NATD1: variants seen among roughly 807,000 people sequenced by gnomAD.
NATD1 encodes protein NATD1.
NATD1 carries 9 observed loss-of-function variants against 12.0 expected under a neutral mutation model. The observed-to-expected ratio is 0.75, with a 90% confidence interval of 0.45 to 1.30. The LOEUF (loss-of-function observed/expected upper bound fraction) is 1.30, where lower values mean the gene tolerates loss of function less well. Among genes scored for constraint, NATD1 ranks in the 50% most tolerant of loss-of-function variants. The pLI, the probability that NATD1 is intolerant of heterozygous loss-of-function variation, is 0.00. For missense variants in NATD1, 148 were observed against 148.5 expected (o/e 1.00, Z 0.02); for synonymous variants, 71 against 65.9 (o/e 1.08, Z -0.37).
chr17:21,251,399 A>T (rs1253997625), intron 1 of NATD1, among the ~76,000 whole-genome samples: 1 of 151,998 alleles, frequency 6.6e-6, no homozygotes, highest in African/African-American at 2.4e-5. Flanking sequence ...GAACCTCAGA[A>T]GAGAGGATTT....
intron 1 of NATD1, among the ~76,000 whole-genome samples, chr17:21,252,521 A>G (rs1178901860): frequency 6.6e-6 from 1 of 152,198 alleles, no homozygotes; most frequent in African/African-American, 2.4e-5. Context: ...TAAGGCACAC[A>G]GAAGTGAGGC....
intron 1 of NATD1, among the ~76,000 whole-genome samples, chr17:21,245,732 G>A (rs1323749638): frequency 5.9e-5 from 9 of 151,744 alleles, no homozygotes; most frequent in African/African-American, 1.7e-4. Flanking sequence ...ACCCGCCATC[G>A]CCTAGGCACT....
chr17:21,252,841 C>T (rs1010297336), intron 1 of NATD1, among the ~76,000 whole-genome samples: 46 of 152,186 alleles, frequency 3.0e-4, no homozygotes, highest in African/African-American at 1.1e-3. Flanking sequence ...CGCGCTGCCC[C>T]AGCTCCTGCC....
rs906037171 is a variant in NATD1, at chr17:21,244,316, A to T, written c.107-92T>A. 2 of 1,062,766 alleles carry T rather than the reference A, an allele frequency of 1.9e-6. No individual in the cohort carries two copies. The highest frequency in any genetic ancestry group is 3.2e-5 in the African/African-American group (2 of 62,834). 65.8% of individuals were successfully genotyped at this position (1,062,766 alleles called of 1,614,324 possible). The stretch of plus-strand genomic sequence containing the variant: ...GGTGGAGGGACAGGCATTTGGAGTC[A>T]TTCAGCTGCTACAGCTGAATCCTGA... On this transcript the variant is annotated intron_variant, in intron 1 of 2. Coordinates refer to ENST00000611551, the MANE Select transcript of NATD1 (RefSeq NM_152914.3). The surrounding 1 kb of genome is among the most constrained non-coding windows in gnomAD (Gnocchi z 5.2).
chr17:21,249,885 G>C (rs1220094825), intron 1 of NATD1, among the ~76,000 whole-genome samples: 1 of 152,184 alleles, frequency 6.6e-6, no homozygotes, highest in Admixed American at 6.5e-5. Flanking sequence ...TTGCATTTCA[G>C]AACCAGGATA....
Position 21,240,822 on chromosome 17 carries a change from G to A in NATD1, c.*2491C>T, listed in dbSNP as rs1170584122. The A allele has an allele frequency of 6.5e-6, 1 of 152,810 alleles. No individual in the cohort carries two copies. The highest frequency in any genetic ancestry group is 1.5e-5 in the Non-Finnish European group (1 of 68,194). The allele number at this position is 152,810 out of a possible 1,614,324, so 9.5% of individuals were successfully genotyped here. A position where few individuals can be genotyped will look rare whatever the true frequency, so the allele number is the denominator to read the frequency against. On this transcript the variant is annotated 3_prime_UTR_variant, in exon 3 of 3. Transcript: ENST00000611551. ...CAGACAGGGTAGCACCAGATGGGAT[G>A]GGCTGGGGGCTCCAGGGCACGGTGT...
chr17:21,244,005 A>T lies in NATD1; in HGVS notation c.225+101T>A. On this transcript the variant is annotated intron_variant, in intron 2 of 2. Coordinates refer to ENST00000611551, the MANE Select transcript of NATD1 (RefSeq NM_152914.3). This position sits in a 1 kb window ranked among gnomAD's most constrained non-coding sequence, Gnocchi z 5.2. ...GGCCCAGAGAGGACCCAGGGCCAAG[A>T]AGCAGGCTGAAGTGGCCACCAGGGC... 1 of 1,055,674 alleles carries T rather than the reference A, an allele frequency of 9.5e-7. No individual in the cohort carries two copies. The highest frequency in any genetic ancestry group is 1.4e-6 in the Non-Finnish European group (1 of 732,366). 65.4% of individuals were successfully genotyped at this position (1,055,674 alleles called of 1,614,324 possible). A position where few individuals can be genotyped will look rare whatever the true frequency, so the allele number is the denominator to read the frequency against.
chr17:21,248,201 C>A (rs1442376837), intron 1 of NATD1, among the ~76,000 whole-genome samples: 1 of 152,146 alleles, frequency 6.6e-6, no homozygotes, highest in Non-Finnish European at 1.5e-5. Context: ...CCTTGGAGGG[C>A]CTTCAAAGGC....
intron 1 of NATD1, among the ~76,000 whole-genome samples, chr17:21,247,351 A>T (rs1391748620): frequency 1.3e-5 from 2 of 152,192 alleles, no homozygotes; most frequent in East Asian, 3.9e-4. Flanking sequence ...TGGCCTTCCC[A>T]CAGCCAGGCC....
intron 1 of NATD1, among the ~76,000 whole-genome samples, chr17:21,249,157 T>C (rs1480212887): frequency 1.3e-5 from 2 of 151,688 alleles, no homozygotes; most frequent in Middle Eastern, 3.2e-3. Flanking sequence ...GCAGAAGACA[T>C]TGACCTCTGC....
chr17:21,243,544 T>TGGA (rs1975298228), intron 2 of NATD1, 115 bp from the exon 3 acceptor site: 1 of 728,634 alleles, frequency 1.4e-6, no homozygotes, highest in South Asian at 1.7e-5. Flanking sequence ...TTTGCCCAGG[T>TGGA]CAGTAACTCC....
intron 1 of NATD1, among the ~76,000 whole-genome samples, chr17:21,247,524 GGGAAACCGAGGCCCA>G (rs1645159519): frequency 6.6e-6 from 1 of 152,230 alleles, no homozygotes; most frequent in Admixed American, 6.5e-5. Context: ...TGTACAGATG[GGGAAACCGAGGCCCA>G]GGAGGGAGGA....
intron 2 of NATD1, among the ~76,000 whole-genome samples, 181 bp from the exon 3 acceptor site, chr17:21,243,610 A>G (rs531657927): frequency 6.6e-6 from 1 of 152,124 alleles, no homozygotes; most frequent in East Asian, 1.9e-4. Context: ...GTACACAAGG[A>G]AAAAACACAT....
intron 1 of NATD1, among the ~76,000 whole-genome samples, chr17:21,251,326 CTTCT>C (rs1244180229): frequency 6.6e-6 from 1 of 151,338 alleles, no homozygotes. Flanking sequence ...CGTATCCCCT[CTTCT>C]TTCTGTCTCT....
In NATD1 at chr17:21,243,340, C is replaced by T. The variant is rs544513896; in HGVS notation, c.315G>A (p.Pro105=). 48 of 1,612,978 alleles carry T rather than the reference C, an allele frequency of 3.0e-5. No homozygotes were observed. In the African/African-American group the frequency reaches 4.8e-4, roughly 16 times the overall value. The change falls in exon 3 of 3, where the codon CCG becomes CCA. Residue 105 remains proline (P), a synonymous_variant. Coordinates refer to ENST00000611551, the MANE Select transcript of NATD1 (RefSeq NM_152914.3). ...IQKYVKENPL[P]QYLERLQP ...ACGGCTGCAGGCGCTCCAGGTACTGCGGCAGGGGGTTCTCCTTGACGTACT... is the reference window on the plus strand; with the variant it reads ...ACGGCTGCAGGCGCTCCAGGTACTGTGGCAGGGGGTTCTCCTTGACGTACT...
intron 1 of NATD1, among the ~76,000 whole-genome samples, chr17:21,247,715 C>CT: frequency 6.6e-6 from 1 of 152,354 alleles, no homozygotes; most frequent in South Asian, 2.1e-4. Context: ...CTGTGCTAGT[C>CT]TGAGGTCTGG....
At chr17:21,243,724 C>T (rs1290771151) in intron 2 of NATD1, among the ~76,000 whole-genome samples, 6 of 152,158 alleles carry the variant, frequency 3.9e-5, no homozygotes, top group Admixed American at 6.5e-5. Flanking sequence ...AGCCGGCAGA[C>T]GGCCCAGCTA....
chr17:21,253,096 G>A (rs1975393959), intron 1 of NATD1, 63 bp downstream of exon 1: 2 of 878,172 alleles, frequency 2.3e-6, no homozygotes, highest in East Asian at 1.1e-4. Flanking sequence ...CAGCAAGGGG[G>A]CGGCCCCGGC....
At chr17:21,245,518 C>T (rs143994107) in intron 1 of NATD1, among the ~76,000 whole-genome samples, 36 of 152,312 alleles carry the variant, frequency 2.4e-4, no homozygotes, top group African/African-American at 8.2e-4. Context: ...GCAAGGAGGC[C>T]TTCTGGCTCT....
Sources: allele counts gnomAD v4.1 joint callset (sites outside exome capture counted in the v4.1 genomes callset), GRCh38; gene constraint gnomAD v4.1.1; non-coding constraint Gnocchi (gnomAD v3.1); transcripts MANE v1.5; gene names NCBI Gene and HGNC (gene_info 2026-07-23, HGNC 2026-07-21).